Variants in RBMS3 observed in about 807,000 individuals in gnomAD.
RBMS3 encodes the protein RNA-binding motif, single-stranded-interacting protein 3.
A neutral mutation model predicts 66.8 loss-of-function variants in RBMS3; 27 were observed. The ratio of observed to expected loss-of-function variants is 0.40; its 90% confidence interval spans 0.30 to 0.56. RBMS3 has a LOEUF of 0.56. Among genes scored for constraint, RBMS3 ranks in the 20% least tolerant of loss-of-function variants. The probability of loss-of-function intolerance (pLI) is 0.40; values close to 1 mark genes in which losing one functional copy is unlikely to be tolerated. For synonymous variants in RBMS3, 188 were observed against 183.0 expected, an observed-to-expected ratio of 1.03 and a Z score of -0.22; for missense variants, 513 against 549.5, an observed-to-expected ratio of 0.93 and a Z score of 0.66.
At chr3:29,970,466 T>C (rs1697155356) in intron 12 of RBMS3, among the ~76,000 whole-genome samples, 1 of 152,210 alleles carries the variant, frequency 6.6e-6, no homozygotes, top group Admixed American at 6.5e-5. Context: ...CGAAGCTAAT[T>C]CTTACACGCC....
intron 3 of RBMS3, among the ~76,000 whole-genome samples, chr3:29,573,855 T>C (rs192220230): frequency 6.6e-6 from 1 of 152,298 alleles, no homozygotes; most frequent in East Asian, 1.9e-4. Flanking sequence ...TTTAATCTCC[T>C]TGTGTTCATA....
intron 1 of RBMS3, among the ~76,000 whole-genome samples, chr3:29,429,987 A>T (rs1323958842): frequency 6.6e-6 from 1 of 151,986 alleles, no homozygotes; most frequent in Non-Finnish European, 1.5e-5. Context: ...TAGTTTGGTC[A>T]TATGTCTTTG....
At chr3:29,313,908 G>C (rs1211511925) in intron 1 of RBMS3, among the ~76,000 whole-genome samples, 1 of 151,710 alleles carries the variant, frequency 6.6e-6, no homozygotes, top group African/African-American at 2.4e-5. Flanking sequence ...GAAAATTCGG[G>C]ATGAGTGGAG....
chr3:29,515,552 G>A (rs1003627370), intron 3 of RBMS3, among the ~76,000 whole-genome samples: 1 of 152,194 alleles, frequency 6.6e-6, no homozygotes, highest in Non-Finnish European at 1.5e-5. Flanking sequence ...AGACAGGCTG[G>A]AAGGATGTAT....
chr3:29,750,469 C>A (rs1576693751), intron 5 of RBMS3, among the ~76,000 whole-genome samples: 1 of 152,210 alleles, frequency 6.6e-6, no homozygotes, highest in African/African-American at 2.4e-5. Flanking sequence ...TAGCATATAT[C>A]AAGACATATC....
At chr3:29,961,873 G>A (rs966108853) in intron 12 of RBMS3, among the ~76,000 whole-genome samples, 3 of 151,214 alleles carry the variant, frequency 2.0e-5, no homozygotes, top group South Asian at 2.1e-4. Flanking sequence ...AATCTAATCA[G>A]GAGGGAGTTA....
intron 3 of RBMS3, among the ~76,000 whole-genome samples, chr3:29,512,490 A>G (rs1488530777): frequency 3.9e-5 from 6 of 152,196 alleles, no homozygotes; most frequent in African/African-American, 1.4e-4. Context: ...TAAGTAATTT[A>G]AAAAGTCTTA....
chr3:29,838,711 A>G (rs879101001), intron 6 of RBMS3, among the ~76,000 whole-genome samples: 1 of 152,312 alleles, frequency 6.6e-6, no homozygotes, highest in Non-Finnish European at 1.5e-5. Context: ...CTGGCAATTT[A>G]TTAATCTTTC....
intron 1 of RBMS3, among the ~76,000 whole-genome samples, chr3:29,330,662 T>G (rs2035602204): frequency 6.6e-6 from 1 of 152,164 alleles, no homozygotes; most frequent in South Asian, 2.1e-4. Flanking sequence ...TAATACCTTA[T>G]GTTCTCTAAA....
chr3:29,747,350 ACATCTATCTATCTATCTATCTATC>A (rs2054948799), intron 5 of RBMS3, among the ~76,000 whole-genome samples: 1 of 151,164 alleles, frequency 6.6e-6, no homozygotes, highest in Non-Finnish European at 1.5e-5. Context: ...TCTTTTCCTG[ACATCTATCTATCTATCTATCTATC>A]TAGGTAGGTA....
At chr3:29,471,345 T>C (rs142414903) in intron 2 of RBMS3, among the ~76,000 whole-genome samples, 1 of 152,158 alleles carries the variant, frequency 6.6e-6, no homozygotes, top group South Asian at 2.1e-4. Flanking sequence ...GCAATGTAGC[T>C]TTTCATTCAT....
intron 6 of RBMS3, among the ~76,000 whole-genome samples, chr3:29,799,490 G>A (rs762272787): frequency 1.3e-5 from 2 of 151,886 alleles, no homozygotes; most frequent in African/African-American, 2.4e-5. Context: ...CAACAAAAAC[G>A]AAATCCTGGA....
intron 12 of RBMS3, among the ~76,000 whole-genome samples, chr3:29,961,970 ATG>A (rs896275768): frequency 3.5e-5 from 5 of 143,428 alleles, no homozygotes; most frequent in African/African-American, 1.3e-4. Flanking sequence ...ATACATATAT[ATG>A]TATAATATAT....
At chr3:29,907,596 G>A (rs1320506626) in intron 10 of RBMS3, among the ~76,000 whole-genome samples, 1 of 151,708 alleles carries the variant, frequency 6.6e-6, no homozygotes, top group Non-Finnish European at 1.5e-5. Context: ...AACTCCATTT[G>A]GTTATGATAT....
intron 3 of RBMS3, among the ~76,000 whole-genome samples, chr3:29,554,171 T>C (rs35888): frequency 0.7 from 106,207 of 151,798 alleles, 37,893 homozygotes; most frequent in African/African-American, 0.84. Flanking sequence ...AAGTAGTTTA[T>C]ATTAGTTTTT....
intron 4 of RBMS3, among the ~76,000 whole-genome samples, chr3:29,665,340 T>A (rs1489103213): frequency 1.3e-5 from 2 of 152,222 alleles, no homozygotes; most frequent in Non-Finnish European, 2.9e-5. Flanking sequence ...TTTGTCATTT[T>A]TTTCTTCTTT....
At chr3:29,764,615 A>G (rs147843730) in intron 6 of RBMS3, among the ~76,000 whole-genome samples, 4 of 152,172 alleles carry the variant, frequency 2.6e-5, no homozygotes, top group African/African-American at 9.6e-5. Context: ...ACAAGTCTCA[A>G]TTTTTTGATT....
At chr3:29,481,216 A>G (rs1575956496) in intron 2 of RBMS3, among the ~76,000 whole-genome samples, 1 of 152,220 alleles carries the variant, frequency 6.6e-6, no homozygotes, top group East Asian at 1.9e-4. Flanking sequence ...TTATAAAAGT[A>G]GGTGCCAGCT....
chr3:29,901,721 C>T (rs1432214502), intron 10 of RBMS3, among the ~76,000 whole-genome samples: 1 of 151,744 alleles, frequency 6.6e-6, no homozygotes, highest in African/African-American at 2.4e-5. Flanking sequence ...GTATCACCTC[C>T]CATGACTAAA....
Sources: allele counts gnomAD v4.1 joint callset (sites outside exome capture counted in the v4.1 genomes callset), GRCh38; gene constraint gnomAD v4.1.1; transcripts MANE v1.5; gene names NCBI Gene and HGNC (gene_info 2026-07-23, HGNC 2026-07-21).